SYNRG: variants seen among roughly 807,000 people sequenced by gnomAD.
SYNRG encodes synergin gamma, also known as AP1 gamma subunit binding protein 1.
A neutral mutation model predicts 130.9 loss-of-function variants in SYNRG; 37 were observed. The ratio of observed to expected loss-of-function variants is 0.28; its 90% CI spans 0.22 to 0.37. The LOEUF (loss-of-function observed/expected upper bound fraction) is 0.37. SYNRG is among the 10% of genes least tolerant of loss of function. The pLI is 1.00. For synonymous variants in SYNRG, 539 were observed against 568.1 expected, an observed-to-expected ratio of 0.95 and a Z score of 0.73; for missense variants, 1,338 against 1,588.9, an observed-to-expected ratio of 0.84 and a Z score of 2.68.
intron 13 of SYNRG, 135 bp from the exon 14 acceptor site, chr17:37,554,194 C>T: frequency 1.4e-6 from 1 of 738,634 alleles, no homozygotes; most frequent in Non-Finnish European, 2.1e-6. Flanking sequence ...TGTTTACATA[C>T]TTTAAACCCT....
chr17:37,575,460 A>T (rs957127604), intron 8 of SYNRG, among the ~76,000 whole-genome samples: 86 of 129,738 alleles, frequency 6.6e-4, no homozygotes, highest in East Asian at 2.2e-3. Context: ...TTAAAAATAA[A>T]TTTTTTTTTG....
intron 6 of SYNRG, among the ~76,000 whole-genome samples, chr17:37,578,467 G>A (rs1043218773): frequency 2.6e-5 from 4 of 152,208 alleles, no homozygotes; most frequent in Non-Finnish European, 5.9e-5. Context: ...GACAGTAGGT[G>A]GAAGAGTGTA....
At chr17:37,544,376 G>A (rs1408673453) in intron 14 of SYNRG, among the ~76,000 whole-genome samples, 4 of 151,418 alleles carry the variant, frequency 2.6e-5, no homozygotes, top group Non-Finnish European at 5.9e-5. Flanking sequence ...GTGCAATGGC[G>A]CGATCTCGGC....
chr17:37,594,462 CTTTT>C (rs58155320), intron 3 of SYNRG, among the ~76,000 whole-genome samples: 1 of 124,524 alleles, frequency 8.0e-6, no homozygotes, highest in Non-Finnish European at 1.7e-5. Flanking sequence ...CTTTCTTCTT[CTTTT>C]TTTTTTTTTT....
At chr17:37,568,766 T>C in intron 11 of SYNRG, 25 bp downstream of exon 11, 3 of 1,609,622 alleles carry the variant, frequency 1.9e-6, no homozygotes, top group Non-Finnish European at 2.5e-6. Flanking sequence ...AAATGCAATG[T>C]TAAATATATT....
At chr17:37,562,579 T>G (rs771984664) in intron 11 of SYNRG, among the ~76,000 whole-genome samples, 2 of 152,174 alleles carry the variant, frequency 1.3e-5, no homozygotes, top group Non-Finnish European at 2.9e-5. Flanking sequence ...ATTTAAACCT[T>G]CTTATCAGTG....
At chr17:37,533,306 C>T (rs372380465) in intron 19 of SYNRG, among the ~76,000 whole-genome samples, 17 of 151,748 alleles carry the variant, frequency 1.1e-4, no homozygotes, top group East Asian at 9.8e-4. Context: ...TAGGCTGAGG[C>T]GTGAGAATCG....
chr17:37,561,953 T>C (rs1314469902), intron 11 of SYNRG, among the ~76,000 whole-genome samples: 1 of 124,278 alleles, frequency 8.0e-6, no homozygotes, highest in African/African-American at 2.8e-5. Context: ...TTAAGGTCCA[T>C]AAAACTGCAA....
Position 37,586,506 on chromosome 17 carries a change from T to C in SYNRG, c.284A>G (p.Tyr95Cys). 6.2e-7 allele frequency: 1 copy of C among 1,614,200 alleles called. No homozygotes were observed. Among genetic ancestry groups the C allele is most frequent in the Non-Finnish European group, 8.5e-7 (1 of 1,180,034 alleles). ...GCCCAGGAAGGGTGCTTGTCCTAGGTAAGGCATTCCCGCTGCTGGCATTGG... is the reference window on the plus strand; with the variant it reads ...GCCCAGGAAGGGTGCTTGTCCTAGGCAAGGCATTCCCGCTGCTGGCATTGG... ...MGPMPAAGMP[Y>C]LGQAPFLGMR... The change falls in exon 4 of 22, where the codon TAC becomes TGC. Residue 95 changes from tyrosine to cysteine, a missense_variant. Around this residue, in one of 3 missense-constraint regions of SYNRG, gnomAD observed 184 missense variants for 217.2 expected, o/e 0.85. Transcript: ENST00000612223.
At chr17:37,534,888 G>A (rs549986229) in intron 19 of SYNRG, among the ~76,000 whole-genome samples, 21 of 146,310 alleles carry the variant, frequency 1.4e-4, no homozygotes, top group Admixed American at 5.4e-4. Flanking sequence ...CAGATGGGTC[G>A]CAGAGTTCCA....
At chr17:37,604,009 G>A (rs535509389) in intron 1 of SYNRG, among the ~76,000 whole-genome samples, 1 of 152,236 alleles carries the variant, frequency 6.6e-6, no homozygotes, top group Admixed American at 6.5e-5. Context: ...GGGAGGCCGA[G>A]GTGGGTGGAT....
chr17:37,548,540 G>A (rs1030026515), intron 14 of SYNRG, among the ~76,000 whole-genome samples: 2 of 152,066 alleles, frequency 1.3e-5, no homozygotes, highest in Non-Finnish European at 1.5e-5. Context: ...CTTCTAGGCC[G>A]GGTGTGGTGG....
intron 19 of SYNRG, among the ~76,000 whole-genome samples, chr17:37,530,633 C>T (rs983945006): frequency 9.9e-5 from 15 of 152,228 alleles, no homozygotes; most frequent in African/African-American, 3.4e-4. Context: ...GATTAGTCAT[C>T]ATAACAGTTA....
chr17:37,587,724 G>A (rs558210244), intron 3 of SYNRG, among the ~76,000 whole-genome samples: 1 of 152,146 alleles, frequency 6.6e-6, no homozygotes, highest in Non-Finnish European at 1.5e-5. Context: ...TCACCCACAT[G>A]GGTAACTCAC....
intron 19 of SYNRG, among the ~76,000 whole-genome samples, chr17:37,521,817 G>A (rs1189496215): frequency 6.6e-6 from 1 of 152,144 alleles, no homozygotes; most frequent in Non-Finnish European, 1.5e-5. Flanking sequence ...GCAGGCCTGG[G>A]TGACCTGCTG....
chr17:37,581,765 C>CA (rs2061357247), intron 6 of SYNRG, among the ~76,000 whole-genome samples: 1 of 105,310 alleles, frequency 9.5e-6, no homozygotes, highest in Non-Finnish European at 2.0e-5. Context: ...CATTTTTTTT[C>CA]TTTTTTTTTT....
intron 19 of SYNRG, among the ~76,000 whole-genome samples, chr17:37,528,643 C>T (rs779300223): frequency 1.3e-5 from 2 of 152,182 alleles, no homozygotes; most frequent in Non-Finnish European, 2.9e-5. Context: ...GCGTCTAATC[C>T]AGAGTCCTGG....
intron 1 of SYNRG, among the ~76,000 whole-genome samples, chr17:37,604,567 A>G (rs777237741): frequency 2.0e-5 from 3 of 152,204 alleles, no homozygotes; most frequent in South Asian, 2.1e-4. Context: ...CCCTTTTTCA[A>G]TATCAGCAAT....
intron 15 of SYNRG, chr17:37,541,553 G>C (rs2057762900): frequency 1.1e-5 from 2 of 176,436 alleles, no homozygotes; most frequent in Non-Finnish European, 2.4e-5. Context: ...AAAATCTTTT[G>C]TGTGGGTCAA....
Sources: gnomAD v4.1 joint callset for allele counts (sites outside exome capture counted in the v4.1 genomes callset) on GRCh38, gnomAD v4.1.1 for gene constraint, gnomAD v4.1.1 regional missense constraint, MANE v1.5 for transcripts, NCBI Gene and HGNC (gene_info 2026-07-23, HGNC 2026-07-21) for gene names.